PHF21A: variants seen among roughly 807,000 people sequenced by gnomAD.
The protein encoded by PHF21A is PHD finger protein 21A.
A neutral mutation model predicts 82.5 loss-of-function variants in PHF21A; 11 were observed. The observed-to-expected ratio is 0.13, with a 90% CI of 0.08 to 0.22. PHF21A has a LOEUF of 0.22. Ranked by LOEUF, PHF21A falls within the 10% of genes least tolerant of loss-of-function variation. PHF21A has a pLI of 1.00. For synonymous variants in PHF21A, 297 were observed against 302.8 expected, an observed-to-expected ratio of 0.98 and a Z score of 0.20; for missense variants, 579 against 837.8, an observed-to-expected ratio of 0.69 and a Z score of 3.81.
At position 46,084,152 on chromosome 11, in the gene PHF21A, A is replaced by G. The variant is rs1270065474; in HGVS notation, c.54+14T>C. Reference sequence around the variant, plus strand: ...CTTAACAACAGTGTGGGAGAAGCCAATAATACAACTTACCTGGTGAACCTG... The same window carrying G: ...CTTAACAACAGTGTGGGAGAAGCCAGTAATACAACTTACCTGGTGAACCTG... On this transcript the variant is annotated intron_variant, in intron 4 of 18. Transcript: ENST00000676320. The G allele has an allele frequency of 1.9e-6, 3 of 1,585,964 alleles. No homozygotes were observed. Among genetic ancestry groups the G allele is most frequent in the East Asian group, 2.3e-5 (1 of 43,290 alleles).
At chr11:45,940,628 A>G (rs983019661) in intron 15 of PHF21A, among the ~76,000 whole-genome samples, 4 of 139,534 alleles carry the variant, frequency 2.9e-5, no homozygotes, top group Non-Finnish European at 6.2e-5. Flanking sequence ...TTTCATCCCT[A>G]GATTAACTAT....
chr11:46,070,340 T>A (rs1015592917), intron 6 of PHF21A, among the ~76,000 whole-genome samples: 5 of 152,296 alleles, frequency 3.3e-5, no homozygotes, highest in Admixed American at 2.6e-4. Context: ...ACTATAATTT[T>A]TTTTTTTTTG....
intron 1 of PHF21A, among the ~76,000 whole-genome samples, chr11:46,115,581 AC>A (rs1417348082): frequency 6.6e-6 from 1 of 152,182 alleles, no homozygotes; most frequent in African/African-American, 2.4e-5. Context: ...TGTGATCAAA[AC>A]GTTAAAGAAT....
rs2092785755 is a variant in PHF21A at position 45,957,917 on chromosome 11, T to C, written c.997-4292A>G. Among the ~76,000 whole-genome samples, 10 of 151,946 alleles carry C rather than the reference T, an allele frequency of 6.6e-5. No homozygotes were observed. The South Asian group carries it at 2.1e-3, about 32-fold the overall frequency. On this transcript the variant is annotated intron_variant, in intron 10 of 18. Transcript: ENST00000676320. ...AAGAAAATAAGAAGATACAAATAACTAAAACCAAAAATGAAACTGAGGACA... is the reference window on the plus strand; with the variant it reads ...AAGAAAATAAGAAGATACAAATAACCAAAACCAAAAATGAAACTGAGGACA...
At chr11:46,096,324 T>C (rs911630599) in intron 1 of PHF21A, among the ~76,000 whole-genome samples, 27 of 151,894 alleles carry the variant, frequency 1.8e-4, no homozygotes, top group African/African-American at 6.0e-4. Context: ...TATCCTTCTC[T>C]AGTTATTGTC....
intron 4 of PHF21A, 132 bp from the exon 5 acceptor site, chr11:46,079,298 T>C (rs2096762277): frequency 1.8e-6 from 1 of 569,858 alleles, no homozygotes; most frequent in African/African-American, 1.9e-5. Context: ...CAGAACAGAC[T>C]AAAACCTTCT....
Position 46,121,296 on chromosome 11 carries a change from G to GTC in PHF21A, c.-599_-598insGA, listed in dbSNP as rs1364574469. 1.3e-5 allele frequency: 2 copies of GTC among 152,528 alleles called. No individual in the cohort carries two copies. The highest frequency in any genetic ancestry group is 1.3e-4 in the Admixed American group (2 of 15,258). The allele number at this position is 152,528 out of a possible 1,614,324, so 9.4% of individuals were successfully genotyped here. On this transcript the variant is annotated 5_prime_UTR_variant, in exon 1 of 19. Coordinates refer to ENST00000676320, the MANE Select transcript of PHF21A (RefSeq NM_001352027.3). The stretch of plus-strand genomic sequence containing the variant: ...TGGATCCTCCTCCTCCTCCAGGAGG[G>GTC]ACACACACAGGCCCCGGGCCGGAAT...
At chr11:45,988,408 G>A (rs1190784556) in intron 6 of PHF21A, among the ~76,000 whole-genome samples, 3 of 152,160 alleles carry the variant, frequency 2.0e-5, no homozygotes, top group Admixed American at 1.3e-4. Flanking sequence ...AATATTATAT[G>A]ATGAAATGTA....
intron 16 of PHF21A, 44 bp downstream of exon 16, chr11:45,938,112 CT>C (rs1565151841): frequency 1.4e-6 from 2 of 1,480,496 alleles, no homozygotes; most frequent in Non-Finnish European, 1.8e-6. Context: ...ATGGCCGTGT[CT>C]TTGTCCTCCT....
At chr11:45,944,206 A>G (rs2090914944) in intron 15 of PHF21A, among the ~76,000 whole-genome samples, 1 of 152,202 alleles carries the variant, frequency 6.6e-6, no homozygotes, top group Non-Finnish European at 1.5e-5. Context: ...TGATAAATGC[A>G]TTGTACCTAC....
chr11:45,936,628 TA>T, intron 16 of PHF21A, 59 bp from the exon 17 acceptor site: 1 of 1,098,536 alleles, frequency 9.1e-7, no homozygotes. Context: ...ATCCTCTATG[TA>T]ACAGCTAGCA....
At chr11:45,949,892 C>T (rs1017351503) in intron 12 of PHF21A, among the ~76,000 whole-genome samples, 8 of 152,060 alleles carry the variant, frequency 5.3e-5, no homozygotes, top group Non-Finnish European at 1.5e-5. Context: ...CCTGGAGTGA[C>T]CAGAAAATAT....
chr11:46,051,570 A>G (rs1192574577), intron 6 of PHF21A, among the ~76,000 whole-genome samples: 1 of 152,218 alleles, frequency 6.6e-6, no homozygotes, highest in Non-Finnish European at 1.5e-5. Flanking sequence ...TGGTCTTCAG[A>G]AACACAAAGC....
chr11:46,044,890 C>T (rs2096231493), intron 6 of PHF21A, among the ~76,000 whole-genome samples: 1 of 152,180 alleles, frequency 6.6e-6, no homozygotes, highest in South Asian at 2.1e-4. Flanking sequence ...CCTTCAAATG[C>T]TAAAGTATTC....
At chr11:46,019,727 G>C (rs1332483545) in intron 6 of PHF21A, among the ~76,000 whole-genome samples, 1 of 152,090 alleles carries the variant, frequency 6.6e-6, no homozygotes, top group Non-Finnish European at 1.5e-5. Context: ...GATTTAACTG[G>C]TTCCTTTGTT....
At chr11:45,947,151 C>T (rs1373817454) in intron 14 of PHF21A, among the ~76,000 whole-genome samples, 1 of 152,208 alleles carries the variant, frequency 6.6e-6, no homozygotes, top group Non-Finnish European at 1.5e-5. Context: ...TTGACTCAAA[C>T]TTCAAGGCTA....
At chr11:46,063,232 C>A (rs2096557016) in intron 6 of PHF21A, among the ~76,000 whole-genome samples, 2 of 152,184 alleles carry the variant, frequency 1.3e-5, no homozygotes, top group African/African-American at 4.8e-5. Flanking sequence ...ATTCTGTATA[C>A]ACCATATACC....
At chr11:45,956,847 A>C (rs1005674369) in intron 10 of PHF21A, among the ~76,000 whole-genome samples, 1 of 152,216 alleles carries the variant, frequency 6.6e-6, no homozygotes, top group African/African-American at 2.4e-5. Context: ...TAACTGGATT[A>C]AACTCACCAA....
chr11:46,026,470 T>C (rs1206678926), intron 6 of PHF21A, among the ~76,000 whole-genome samples: 1 of 152,204 alleles, frequency 6.6e-6, no homozygotes, highest in South Asian at 2.1e-4. Context: ...ATACCTCTTT[T>C]TGGCCCTTTA....
Sources: allele counts gnomAD v4.1 joint callset (sites outside exome capture counted in the v4.1 genomes callset), GRCh38; gene constraint gnomAD v4.1.1; transcripts MANE v1.5; gene names NCBI Gene and HGNC (gene_info 2026-07-23, HGNC 2026-07-21).